The following DDX46 variants were observed in gnomAD, a reference collection of about 807,000 sequenced individuals.
DDX46 encodes DEAD-box helicase 46.
A neutral mutation model predicts 134.9 loss-of-function variants in DDX46; 30 were observed. The ratio of observed to expected loss-of-function variants is 0.22; its 90% confidence interval spans 0.17 to 0.30. The LOEUF (loss-of-function observed/expected upper bound fraction) is 0.30, where lower values mean the gene tolerates loss of function less well. DDX46 is among the 10% of genes least tolerant of loss of function. The pLI is 1.00. For synonymous variants in DDX46, 415 were observed against 404.1 expected (o/e 1.03, Z -0.32); for missense variants, 622 against 1,248.7 (o/e 0.50, Z 7.56).
rs1424853993 is a variant in DDX46 at position 134,819,341 on chromosome 5, C to T, written c.2977+337C>T. Among the ~76,000 whole-genome samples the T allele has an allele frequency of 2.0e-5, 3 of 152,216 alleles. No individual in the cohort carries two copies. In the East Asian group the frequency reaches 5.8e-4, roughly 29 times the overall value. ...GGAAAGTAAATCAAGTGTATTAGTC[C>T]ACTTAATGAATGTTTATCTAGGCAA... On this transcript the variant is annotated intron_variant, in intron 21 of 22. Coordinates refer to ENST00000452510, the MANE Select transcript of DDX46 (RefSeq NM_001300860.2).
rs1435183281 is a variant in DDX46, at chr5:134,829,509, G to A, written c.*803G>A. 6.6e-6 allele frequency: 1 copy of A among 152,078 alleles called. No homozygotes were observed. Among genetic ancestry groups the A allele is most frequent in the African/African-American group, 2.4e-5 (1 of 41,406 alleles). The allele number at this position is 152,078 out of a possible 1,614,324, so 9.4% of individuals were successfully genotyped here. On this transcript the variant is annotated 3_prime_UTR_variant, in exon 23 of 23. Transcript: ENST00000452510. ...ATTTATATATCTATACATGTTGTAT[G>A]TACAAATATCCTACTACTTTTAATC...
intron 21 of DDX46, among the ~76,000 whole-genome samples, chr5:134,821,754 A>G (rs1256184843): frequency 1.3e-5 from 2 of 150,158 alleles, no homozygotes; most frequent in Non-Finnish European, 1.5e-5. Flanking sequence ...ATGGGGTTTC[A>G]CCATGTTGGC....
In DDX46 at chr5:134,781,065, G is replaced by A. The variant is rs1754138073; in HGVS notation, c.766-68G>A. The A allele has an allele frequency of 7.3e-6, 8 of 1,089,836 alleles. No homozygotes were observed. The South Asian group carries it at 1.3e-4, about 18-fold the overall frequency. 67.5% of individuals were successfully genotyped at this position (1,089,836 alleles called of 1,614,324 possible). ...AAGATGAAATTGTGTCAGTTACTGT[G>A]TGCTTCAGCAGTCATATAACTTGTG... On this transcript the variant is annotated intron_variant, in intron 6 of 22. Coordinates refer to ENST00000452510, the MANE Select transcript of DDX46 (RefSeq NM_001300860.2).
At chr5:134,764,188 G>A in intron 2 of DDX46, 96 bp downstream of exon 2, 2 of 1,269,728 alleles carry the variant, frequency 1.6e-6, no homozygotes, top group Non-Finnish European at 2.1e-6. Context: ...CTGGAGTTTG[G>A]TGGCCCAATT....
In DDX46 at chr5:134,817,523, A is replaced by G. The variant is rs201881051; in HGVS notation, c.2641A>G (p.Ile881Val). Residue 881 changes from isoleucine (I) to valine (V), a missense_variant, in exon 20 of 23, where the codon ATT becomes GTT. Transcript: ENST00000452510. The part of the protein sequence containing the change: ...VDVMQQATNA[I>V]LRGGTILAPT... ...TGTGATGCAGCAGGCCACCAATGCA[A>G]TTCTTAGGGGTGGCACCATTCTGGC... 6.8e-6 allele frequency: 11 copies of G among 1,614,082 alleles called. No homozygotes were observed. Among genetic ancestry groups the G allele is most frequent in the East Asian group, 2.2e-5 (1 of 44,882 alleles).
chr5:134,811,148 G>C, intron 16 of DDX46, 73 bp from the exon 17 acceptor site: 1 of 1,356,754 alleles, frequency 7.4e-7, no homozygotes, highest in Non-Finnish European at 1.0e-6. Context: ...AGGTGGATCA[G>C]ATTTTATCTT....
chr5:134,781,853 A>C, intron 7 of DDX46, 68 bp from the exon 8 acceptor site: 3 of 1,418,716 alleles, frequency 2.1e-6, no homozygotes, highest in Non-Finnish European at 2.9e-6. Flanking sequence ...AAAAGCTAGG[A>C]GTATTGCTTC....
At chr5:134,781,377 A>C in intron 7 of DDX46, 131 bp downstream of exon 7, 1 of 692,696 alleles carries the variant, frequency 1.4e-6, no homozygotes. Flanking sequence ...CATTCTTGCT[A>C]TTCTTAGTAG....
chr5:134,794,694 C>A (rs777985889), intron 13 of DDX46, among the ~76,000 whole-genome samples, 156 bp from the exon 14 acceptor site: 13 of 152,120 alleles, frequency 8.5e-5, no homozygotes, highest in Non-Finnish European at 1.6e-4. Context: ...TTGTCCTAAG[C>A]ATGTGTGGAG....
At position 134,780,098 on chromosome 5, in the gene DDX46, A is replaced by ATGTGTGTG. The variant is rs71583216; in HGVS notation, c.766-1001_766-994dup. Among the ~76,000 whole-genome samples, 1,307 of 139,552 alleles carry ATGTGTGTG rather than the reference A, an allele frequency of 9.4e-3. 11 individuals are homozygous for ATGTGTGTG. Among genetic ancestry groups the ATGTGTGTG allele is most frequent in the African/African-American group, 0.021 (768 of 36,072 alleles). The allele number at this position is 139,552 out of a possible 152,430, so 91.6% of individuals were successfully genotyped here. A position where few individuals can be genotyped will look rare whatever the true frequency, so the allele number is the denominator to read the frequency against. On this transcript the variant is annotated intron_variant, in intron 6 of 22. Coordinates refer to ENST00000452510, the MANE Select transcript of DDX46 (RefSeq NM_001300860.2). ...ATAAGACTCAGTCTGAAAAAAATAT[A>ATGTGTGTG]TGTGTGTGTGTGTGTGTGTGTGTGT...
intron 6 of DDX46, among the ~76,000 whole-genome samples, chr5:134,780,093 AATAT>A (rs1242465153): frequency 2.4e-5 from 3 of 125,520 alleles, no homozygotes; most frequent in Non-Finnish European, 4.8e-5. Context: ...GTCTGAAAAA[AATAT>A]ATGTGTGTGT....
chr5:134,788,039 A>G (rs1754392421), intron 11 of DDX46, among the ~76,000 whole-genome samples: 1 of 151,952 alleles, frequency 6.6e-6, no homozygotes, highest in African/African-American at 2.4e-5. Context: ...AAAAAAAAAA[A>G]AAAAAGCTGA....
At chr5:134,808,613 AC>A (rs1293950640) in intron 16 of DDX46, among the ~76,000 whole-genome samples, 5 of 152,266 alleles carry the variant, frequency 3.3e-5, no homozygotes, top group East Asian at 1.9e-4. Context: ...TTAAAAAAAA[AC>A]ATGGGATCAT....
At chr5:134,824,881 G>C (rs1423349953) in intron 21 of DDX46, among the ~76,000 whole-genome samples, 1 of 152,132 alleles carries the variant, frequency 6.6e-6, no homozygotes, top group Non-Finnish European at 1.5e-5. Flanking sequence ...CCAGGCAAAG[G>C]GAAGGAGAAC....
intron 5 of DDX46, among the ~76,000 whole-genome samples, chr5:134,776,276 G>C (rs1000507023): frequency 6.6e-6 from 1 of 151,970 alleles, no homozygotes; most frequent in African/African-American, 2.4e-5. Flanking sequence ...TGTAGTCCCA[G>C]CTACTCGGGA....
intron 6 of DDX46, among the ~76,000 whole-genome samples, chr5:134,778,667 A>G (rs1337218835): frequency 6.6e-6 from 1 of 151,780 alleles, no homozygotes; most frequent in Non-Finnish European, 1.5e-5. Flanking sequence ...GCTGCCTCCC[A>G]AGTTCAAGCG....
At chr5:134,762,249 C>CAA (rs748727468) in intron 1 of DDX46, among the ~76,000 whole-genome samples, 1,320 of 93,374 alleles carry the variant, frequency 0.014, 25 homozygotes, top group African/African-American at 0.048. Context: ...CATCTCTACC[C>CAA]AAAAAAAAAA....
intron 6 of DDX46, among the ~76,000 whole-genome samples, chr5:134,778,684 C>T (rs1754030324): frequency 6.6e-6 from 1 of 152,122 alleles, no homozygotes; most frequent in Non-Finnish European, 1.5e-5. Context: ...AGCGATTCTC[C>T]TGCCTCAGCC....
chr5:134,785,449 G>A lies in DDX46; in HGVS notation c.1343-16G>A. 2 of 1,610,504 alleles carry A rather than the reference G, an allele frequency of 1.2e-6. No individual in the cohort carries two copies. The highest frequency in any genetic ancestry group is 1.7e-6 in the Non-Finnish European group (2 of 1,178,644). ...GAATTTTGGTGGTTAGGCTACTGAT[G>A]TATTTATCTTTCCAGCTGTCATCAT... On this transcript the variant is annotated splice_polypyrimidine_tract_variant and intron_variant, in intron 10 of 22. Coordinates refer to ENST00000452510, the MANE Select transcript of DDX46 (RefSeq NM_001300860.2).
Sources: gnomAD v4.1 joint callset for allele counts (sites outside exome capture counted in the v4.1 genomes callset) on GRCh38, gnomAD v4.1.1 for gene constraint, MANE v1.5 for transcripts, NCBI Gene and HGNC (gene_info 2026-07-23, HGNC 2026-07-21) for gene names.